The following SIPA1L3 variants were observed in gnomAD, a reference collection of about 807,000 sequenced individuals.
The protein encoded by SIPA1L3 is signal induced proliferation associated 1 like 3, also known as signal-induced proliferation-associated 1-like protein 3.
SIPA1L3 carries 59 observed loss-of-function variants against 150.1 expected under a neutral mutation model. That is an observed-to-expected ratio of 0.39 (90% confidence interval 0.32 to 0.49). The LOEUF is 0.49. Among genes scored for constraint, SIPA1L3 ranks in the 20% least tolerant of loss-of-function variants. SIPA1L3 has a pLI of 0.86. For synonymous variants in SIPA1L3, 1,070 were observed against 1,077.6 expected, an observed-to-expected ratio of 0.99 and a Z score of 0.14; for missense variants, 2,211 against 2,489.5, an observed-to-expected ratio of 0.89 and a Z score of 2.38.
chr19:38,099,188 A>C (rs1970443470), intron 4 of SIPA1L3, among the ~76,000 whole-genome samples: 1 of 152,020 alleles, frequency 6.6e-6, no homozygotes. Flanking sequence ...GGTGCATGCC[A>C]CCATGCCTGG....
At chr19:38,183,624 C>G (rs1600183217) in intron 16 of SIPA1L3, among the ~76,000 whole-genome samples, 1 of 152,262 alleles carries the variant, frequency 6.6e-6, no homozygotes. Flanking sequence ...GTAAGGAATC[C>G]CGAATTCAGT....
rs145767035 is a variant in SIPA1L3 at position 37,977,740 on chromosome 19, G to C, written c.-378-51349G>C. Among the ~76,000 whole-genome samples, 129 of 152,330 alleles carry C rather than the reference G, an allele frequency of 8.5e-4. 2 individuals carry two copies. The East Asian group carries it at 0.018, about 22-fold the overall frequency. On this transcript the variant is annotated intron_variant, in intron 1 of 21. Transcript: ENST00000222345. ...CAGTAACTGGACTCAACAAATGTTGGTTACTTCCCTGCTTTGTGCCATGGC... is the reference window on the plus strand; with the variant it reads ...CAGTAACTGGACTCAACAAATGTTGCTTACTTCCCTGCTTTGTGCCATGGC...
chr19:38,075,123 G>A (rs1969810117), intron 2 of SIPA1L3, among the ~76,000 whole-genome samples: 1 of 152,198 alleles, frequency 6.6e-6, no homozygotes, highest in Non-Finnish European at 1.5e-5. Flanking sequence ...ATGTATACAT[G>A]AATTTTTTTC....
At chr19:38,107,168 C>T (rs573220725) in intron 7 of SIPA1L3, among the ~76,000 whole-genome samples, 1 of 152,352 alleles carries the variant, frequency 6.6e-6, no homozygotes, top group East Asian at 1.9e-4. Context: ...CCTAGGCTCA[C>T]ATCCACCAGC....
chr19:38,183,926 G>A (rs1035796324), intron 16 of SIPA1L3, among the ~76,000 whole-genome samples: 2 of 152,194 alleles, frequency 1.3e-5, no homozygotes, highest in South Asian at 2.1e-4. Context: ...AGAGGTCGCC[G>A]GAGGGTTCAG....
chr19:38,028,409 C>T (rs1479158041), intron 1 of SIPA1L3, among the ~76,000 whole-genome samples: 1 of 152,138 alleles, frequency 6.6e-6, no homozygotes, highest in Non-Finnish European at 1.5e-5. Context: ...CTCTGGAAGG[C>T]TCTTTCCCAG....
In SIPA1L3 at chr19:37,927,943, G is replaced by A. The variant is rs1040063942; in HGVS notation, c.-379+20585G>A. Among the ~76,000 whole-genome samples the A allele has an allele frequency of 2.6e-5, 4 of 152,006 alleles. 1 individual carries two copies. The highest frequency in any genetic ancestry group is 4.2e-4 in the South Asian group (2 of 4,816). Reference sequence around the variant, plus strand: ...GTACCACATTATCTTTGTCCAGTCCGCTGTTGATGGGCATCCGGGTTGATT... The same window carrying A: ...GTACCACATTATCTTTGTCCAGTCCACTGTTGATGGGCATCCGGGTTGATT... On this transcript the variant is annotated intron_variant, in intron 1 of 21. Coordinates refer to ENST00000222345, the MANE Select transcript of SIPA1L3 (RefSeq NM_015073.3).
intron 15 of SIPA1L3, among the ~76,000 whole-genome samples, chr19:38,176,409 T>G (rs1345304537): frequency 6.6e-6 from 1 of 151,504 alleles, no homozygotes; most frequent in African/African-American, 2.4e-5. Context: ...TTGTTTTTTG[T>G]TTTTTTTGAG....
Position 38,112,083 on chromosome 19 carries a change from G to A in SIPA1L3, c.2291+1699G>A, listed in dbSNP as rs112606148. ...ACACGTATGCACACACCATGCGTCC[G>A]CACATGCACACACCTACATGCACAC... On this transcript the variant is annotated intron_variant, in intron 8 of 21. Coordinates refer to ENST00000222345, the MANE Select transcript of SIPA1L3 (RefSeq NM_015073.3). Among the ~76,000 whole-genome samples the A allele has an allele frequency of 6.8e-3, 577 of 85,100 alleles. 6 individuals are homozygous for A. The highest frequency in any genetic ancestry group is 0.038 in the African/African-American group (350 of 9,216). 55.8% of individuals were successfully genotyped at this position (85,100 alleles called of 152,430 possible).
rs1326182277 is a variant in SIPA1L3 at position 38,206,079 on chromosome 19, G to A, written c.5203-18G>A. The A allele has an allele frequency of 6.6e-7, 1 of 1,526,210 alleles. No individual in the cohort carries two copies. The highest frequency in any genetic ancestry group is 2.0e-5 in the Admixed American group (1 of 48,968). The allele number at this position is 1,526,210 out of a possible 1,614,324, so 94.5% of individuals were successfully genotyped here. ...GGCCAAGCCCACCCGCCTGATGCCA[G>A]CTTCCCACCCTGTGCAGGAGAAGCA... On this transcript the variant is annotated intron_variant, in intron 21 of 21. Coordinates refer to ENST00000222345, the MANE Select transcript of SIPA1L3 (RefSeq NM_015073.3).
chr19:38,194,708 G>A (rs1972882211), intron 18 of SIPA1L3, among the ~76,000 whole-genome samples: 1 of 152,190 alleles, frequency 6.6e-6, no homozygotes, highest in Non-Finnish European at 1.5e-5. Flanking sequence ...GGGATGGGGT[G>A]GAGGAGACTC....
At chr19:38,024,662 G>A (rs1489235314) in intron 1 of SIPA1L3, among the ~76,000 whole-genome samples, 1 of 152,128 alleles carries the variant, frequency 6.6e-6, no homozygotes, top group African/African-American at 2.4e-5. Context: ...TAGTTCCTAC[G>A]GACAGGGGCT....
intron 20 of SIPA1L3, among the ~76,000 whole-genome samples, chr19:38,202,845 A>C (rs931876305): frequency 2.0e-5 from 3 of 152,170 alleles, no homozygotes; most frequent in Non-Finnish European, 4.4e-5. Flanking sequence ...TCACGGGGGA[A>C]GGAAGAGGAC....
In SIPA1L3 at chr19:38,193,703, G is replaced by A. The variant is rs201825129; in HGVS notation, c.4763G>A (p.Arg1588His). The A allele has an allele frequency of 1.9e-5, 30 of 1,569,616 alleles. No individual in the cohort carries two copies. In the African/African-American group the frequency reaches 2.3e-4, roughly 12 times the overall value. ...CCGTCCAGCACGCTGCCTGCACGCC[G>A]CCAGCACCAGCACCCCCACCCGCCC... is the stretch of plus-strand genomic sequence containing the variant. ...AFPSSTLPAR[R>H]QHQHPHPPVG... Residue 1588 changes from arginine (R) to histidine (H), a missense_variant, in exon 18 of 22, where the codon CGC becomes CAC. Arg to His is a conservative substitution (Grantham distance 29, BLOSUM62 0). Around this residue, in one of 5 missense-constraint regions of SIPA1L3, gnomAD observed 806 missense variants for 870.1 expected, o/e 0.93. Coordinates refer to ENST00000222345, the MANE Select transcript of SIPA1L3 (RefSeq NM_015073.3).
intron 19 of SIPA1L3, among the ~76,000 whole-genome samples, chr19:38,199,238 T>A (rs1317785127): frequency 6.6e-6 from 1 of 152,104 alleles, no homozygotes; most frequent in African/African-American, 2.4e-5. Flanking sequence ...CTCATGTGGG[T>A]CTCCAAGCAT....
intron 10 of SIPA1L3, among the ~76,000 whole-genome samples, chr19:38,139,291 G>A (rs1489287139): frequency 6.6e-6 from 1 of 152,178 alleles, no homozygotes; most frequent in African/African-American, 2.4e-5. Flanking sequence ...GTGGGTGCTT[G>A]GAGAAAGCTT....
At chr19:38,133,912 G>A (rs1971371133) in intron 10 of SIPA1L3, among the ~76,000 whole-genome samples, 1 of 152,092 alleles carries the variant, frequency 6.6e-6, no homozygotes, top group African/African-American at 2.4e-5. Flanking sequence ...TGGAGGCCGA[G>A]GCCAGAAGAT....
intron 13 of SIPA1L3, among the ~76,000 whole-genome samples, chr19:38,160,098 AC>A (rs1158536768): frequency 6.8e-6 from 1 of 147,018 alleles, no homozygotes; most frequent in Non-Finnish European, 1.5e-5. Context: ...TGCAGCCTCC[AC>A]CTCCCAGGTT....
intron 1 of SIPA1L3, chr19:37,964,898 CTGGACA>C (rs1292940000): frequency 6.6e-6 from 1 of 152,160 alleles, no homozygotes. Flanking sequence ...AGAGTGAGGC[CTGGACA>C]TCAGCATATA....
Sources: allele counts gnomAD v4.1 joint callset (sites outside exome capture counted in the v4.1 genomes callset), GRCh38; gene constraint gnomAD v4.1.1; regional missense constraint gnomAD v4.1.1; transcripts MANE v1.5; gene names NCBI Gene and HGNC (gene_info 2026-07-23, HGNC 2026-07-21).